SBF2: variants seen among roughly 807,000 people sequenced by gnomAD.
The protein encoded by SBF2 is SET binding factor 2.
In SBF2, 112 loss-of-function variants were observed where a neutral mutation model predicts 225.2. That is an observed-to-expected ratio of 0.50 (90% CI 0.43 to 0.58). The LOEUF is 0.58. Among genes scored for constraint, SBF2 ranks in the 20% least tolerant of loss-of-function variants. SBF2 has a pLI of 0.00. For synonymous variants in SBF2, 763 were observed against 773.3 expected (o/e 0.99, Z 0.22); for missense variants, 1,996 against 2,206.2 (o/e 0.90, Z 1.91).
intron 16 of SBF2, among the ~76,000 whole-genome samples, chr11:9,933,876 G>T (rs1462834405): frequency 1.3e-5 from 2 of 152,088 alleles, no homozygotes; most frequent in African/African-American, 4.8e-5. Context: ...CCAGGGGCTG[G>T]TTTTTTGAAA....
intron 26 of SBF2, among the ~76,000 whole-genome samples, chr11:9,837,602 G>A (rs1471959531): frequency 6.6e-6 from 1 of 152,040 alleles, no homozygotes; most frequent in Non-Finnish European, 1.5e-5. Flanking sequence ...CTTTCTTACT[G>A]CTTTTAAAGT....
At chr11:9,926,099 A>C (rs1268476213) in intron 16 of SBF2, among the ~76,000 whole-genome samples, 2 of 152,216 alleles carry the variant, frequency 1.3e-5, no homozygotes, top group African/African-American at 4.8e-5. Flanking sequence ...GGCTGTCTCC[A>C]TTGCAGACTA....
intron 1 of SBF2, among the ~76,000 whole-genome samples, chr11:10,267,274 C>T (rs1428871994): frequency 3.3e-5 from 5 of 151,500 alleles, no homozygotes; most frequent in Non-Finnish European, 7.4e-5. Context: ...ACTGTCTACA[C>T]CCAGACTTTA....
chr11:10,287,317 T>G (rs997061641), intron 1 of SBF2, among the ~76,000 whole-genome samples: 2 of 152,240 alleles, frequency 1.3e-5, no homozygotes, highest in Non-Finnish European at 2.9e-5. Flanking sequence ...AGTCTCAATC[T>G]GTCACTCAGG....
chr11:10,060,839 T>C (rs1357673616), intron 2 of SBF2, among the ~76,000 whole-genome samples: 1 of 152,032 alleles, frequency 6.6e-6, no homozygotes, highest in Non-Finnish European at 1.5e-5. Context: ...CCATCCTGGC[T>C]AACACGGTTA....
intron 1 of SBF2, among the ~76,000 whole-genome samples, chr11:10,195,493 A>C (rs1957322535): frequency 6.6e-6 from 1 of 152,184 alleles, no homozygotes; most frequent in African/African-American, 2.4e-5. Flanking sequence ...GTTCATATGA[A>C]ATGAAGGCAA....
intron 32 of SBF2, among the ~76,000 whole-genome samples, chr11:9,807,009 A>G (rs1853892552): frequency 6.6e-6 from 1 of 152,256 alleles, no homozygotes; most frequent in Admixed American, 6.5e-5. Flanking sequence ...ACTTGGTGTC[A>G]TCACAGTTAG....
chr11:10,059,032 C>T (rs193161956), intron 2 of SBF2, among the ~76,000 whole-genome samples: 3 of 152,274 alleles, frequency 2.0e-5, no homozygotes, highest in Admixed American at 1.3e-4. Context: ...AAAGGAAAGA[C>T]TTCTACCAGC....
intron 16 of SBF2, among the ~76,000 whole-genome samples, chr11:9,920,083 G>A (rs1330590783): frequency 6.6e-6 from 1 of 151,672 alleles, no homozygotes; most frequent in African/African-American, 2.4e-5. Flanking sequence ...TATACCTCTA[G>A]TCCAAAGAAA....
intron 17 of SBF2, among the ~76,000 whole-genome samples, chr11:9,862,898 G>A (rs1857880772): frequency 6.6e-6 from 1 of 152,126 alleles, no homozygotes; most frequent in Non-Finnish European, 1.5e-5. Context: ...AACTCATACT[G>A]AGGGTGTGAG....
intron 2 of SBF2, among the ~76,000 whole-genome samples, chr11:10,173,704 G>A (rs1008503721): frequency 6.6e-6 from 1 of 151,960 alleles, no homozygotes; most frequent in Non-Finnish European, 1.5e-5. Flanking sequence ...CACCTCTGGG[G>A]GCAGGGCACA....
chr11:9,978,755 C>T (rs1946810840), intron 13 of SBF2, among the ~76,000 whole-genome samples: 1 of 152,080 alleles, frequency 6.6e-6, no homozygotes, highest in Admixed American at 6.6e-5. Flanking sequence ...CCTCGACCTC[C>T]TTGGCCGAGG....
intron 2 of SBF2, among the ~76,000 whole-genome samples, chr11:10,052,321 C>T (rs1950093663): frequency 6.6e-6 from 1 of 152,094 alleles, no homozygotes; most frequent in Admixed American, 6.6e-5. Flanking sequence ...CGTTTTGATA[C>T]CTGCATGAGT....
chr11:10,166,404 A>G (rs2135228665), intron 2 of SBF2, among the ~76,000 whole-genome samples: 1 of 152,304 alleles, frequency 6.6e-6, no homozygotes, highest in East Asian at 1.9e-4. Flanking sequence ...ATGCATTATA[A>G]TCTACCAGTC....
intron 2 of SBF2, among the ~76,000 whole-genome samples, chr11:10,166,139 A>C (rs1166906744): frequency 2.0e-5 from 3 of 152,224 alleles, no homozygotes; most frequent in Non-Finnish European, 2.9e-5. Flanking sequence ...CACTAAGAAA[A>C]TACATAAGGC....
intron 13 of SBF2, among the ~76,000 whole-genome samples, chr11:9,987,539 G>A (rs1171662451): frequency 1.3e-5 from 2 of 152,022 alleles, no homozygotes; most frequent in East Asian, 1.9e-4. Flanking sequence ...CCTCTAGAAA[G>A]CTCCTAGAAC....
chr11:10,273,499 C>T (rs765438708), intron 1 of SBF2, among the ~76,000 whole-genome samples: 23 of 152,050 alleles, frequency 1.5e-4, no homozygotes, highest in Non-Finnish European at 2.5e-4. Flanking sequence ...TTAGAAGAAA[C>T]AGAAAATATA....
Position 9,993,238 on chromosome 11 carries a change from C to A in SBF2, c.1054-135G>T. On this transcript the variant is annotated intron_variant, in intron 10 of 39. Coordinates refer to ENST00000256190, the MANE Select transcript of SBF2 (RefSeq NM_030962.4). ...CCACCAAAACAATTACAGTCACAACCAAACATAAGAAGAAAAAACTCTCAA... is the reference window on the plus strand; with the variant it reads ...CCACCAAAACAATTACAGTCACAACAAAACATAAGAAGAAAAAACTCTCAA... The A allele has an allele frequency of 4.5e-6, 3 of 661,362 alleles. No individual in the cohort carries two copies. The South Asian group carries it at 5.3e-5, about 12-fold the overall frequency. The allele number at this position is 661,362 out of a possible 1,614,324, so 41.0% of individuals were successfully genotyped here. A position where few individuals can be genotyped will look rare whatever the true frequency, so the allele number is the denominator to read the frequency against.
chr11:10,286,166 G>GCGTGCACACACA (rs373771420), intron 1 of SBF2, among the ~76,000 whole-genome samples: 3 of 147,238 alleles, frequency 2.0e-5, no homozygotes, highest in African/African-American at 7.5e-5. Context: ...ACACGCACAC[G>GCGTGCACACACA]CACACACACA....
Sources: allele counts gnomAD v4.1 joint callset (sites outside exome capture counted in the v4.1 genomes callset), GRCh38; gene constraint gnomAD v4.1.1; transcripts MANE v1.5; gene names NCBI Gene and HGNC (gene_info 2026-07-23, HGNC 2026-07-21).